Variants in SHROOM4 observed in about 807,000 individuals in gnomAD.
SHROOM4 encodes the protein protein Shroom4.
In SHROOM4, 17 loss-of-function variants were observed where a neutral mutation model predicts 80.3. The observed-to-expected ratio is 0.21, with a 90% CI of 0.14 to 0.32. The LOEUF (loss-of-function observed/expected upper bound fraction) is 0.32, where lower values mean the gene tolerates loss of function less well. Among genes scored for constraint, SHROOM4 ranks in the 10% least tolerant of loss-of-function variants. The pLI, the probability that SHROOM4 is intolerant of heterozygous loss-of-function variation, is 1.00. For missense variants in SHROOM4, 993 were observed against 1,140.3 expected (o/e 0.87, Z 1.86); for synonymous variants, 400 against 437.5 (o/e 0.91, Z 1.07).
At chrX:50,620,847 G>A (rs146532501) in intron 5 of SHROOM4, among the ~76,000 whole-genome samples, 2,694 of 110,888 alleles carry the variant, frequency 0.024, 81 homozygotes, top group African/African-American at 0.084. Flanking sequence ...GCCCACTTAC[G>A]AAGCTAAATC....
intron 1 of SHROOM4, among the ~76,000 whole-genome samples, chrX:50,793,313 G>A (rs1935890206): frequency 9.1e-6 from 1 of 109,577 alleles, no homozygotes; most frequent in Non-Finnish European, 1.9e-5. Context: ...CTATTCAAGG[G>A]GTATAAAGTT....
intron 2 of SHROOM4, among the ~76,000 whole-genome samples, chrX:50,669,637 C>T: frequency 8.9e-6 from 1 of 111,894 alleles, no homozygotes; most frequent in Non-Finnish European, 1.9e-5. Flanking sequence ...CCTCTCAAAC[C>T]CTGCCACTAT....
At chrX:50,615,055 C>CCT (rs1930168172) in intron 5 of SHROOM4, among the ~76,000 whole-genome samples, 1 of 110,571 alleles carries the variant, frequency 9.0e-6, no homozygotes, top group African/African-American at 3.3e-5. Flanking sequence ...AGTAATGTCT[C>CCT]TTGTAAAGAG....
chrX:50,752,825 G>A (rs1448346650), intron 1 of SHROOM4, among the ~76,000 whole-genome samples: 1 of 111,848 alleles, frequency 8.9e-6, no homozygotes, highest in Non-Finnish European at 1.9e-5. Context: ...GACATGAAAT[G>A]GGGAGAATCT....
intron 5 of SHROOM4, among the ~76,000 whole-genome samples, chrX:50,611,293 C>T (rs952673985): frequency 4.6e-5 from 5 of 109,396 alleles, no homozygotes; most frequent in African/African-American, 1.0e-4. Context: ...GGACTACAGG[C>T]GCCCGCTACC....
intron 1 of SHROOM4, among the ~76,000 whole-genome samples, chrX:50,763,021 T>C (rs1204555417): frequency 9.0e-6 from 1 of 111,692 alleles, no homozygotes; most frequent in Non-Finnish European, 1.9e-5. Context: ...GCAGTACTTT[T>C]ATCATGTGTA....
intron 1 of SHROOM4, among the ~76,000 whole-genome samples, chrX:50,729,757 C>G (rs1433898141): frequency 2.7e-5 from 3 of 110,916 alleles, no homozygotes; most frequent in Admixed American, 9.6e-5. Flanking sequence ...CACTACTAAT[C>G]ATATCTAAAG....
intron 1 of SHROOM4, among the ~76,000 whole-genome samples, chrX:50,792,930 C>T (rs1480441918): frequency 9.8e-6 from 1 of 101,542 alleles, no homozygotes; most frequent in Non-Finnish European, 2.0e-5. Flanking sequence ...GAACTACATA[C>T]TAGATCCAGC....
At chrX:50,578,789 C>A in the SHROOM4 span, among the ~76,000 whole-genome samples, 2 of 111,670 alleles carry the variant, frequency 1.8e-5, no homozygotes, top group Non-Finnish European at 3.8e-5. Flanking sequence ...CTGTGGCATG[C>A]ACTATCTCAG....
intron 1 of SHROOM4, among the ~76,000 whole-genome samples, chrX:50,721,418 C>T (rs1023172357): frequency 2.7e-5 from 3 of 112,318 alleles, no homozygotes; most frequent in Non-Finnish European, 3.8e-5. Flanking sequence ...CATGCCTCCC[C>T]TTTTTAGACC....
chrX:50,725,368 C>T (rs1421340636), intron 1 of SHROOM4, among the ~76,000 whole-genome samples: 2 of 112,059 alleles, frequency 1.8e-5, no homozygotes, highest in Non-Finnish European at 3.8e-5. Context: ...ACTAAGGCCC[C>T]AATCACCTCA....
chrX:50,607,293 G>C (rs1164985389), intron 6 of SHROOM4, 88 bp downstream of exon 6: 1 of 1,051,089 alleles, frequency 9.5e-7, no homozygotes, highest in South Asian at 2.0e-5. Context: ...GCCAGCCTGA[G>C]GTCATCCAGT....
downstream of SHROOM4, among the ~76,000 whole-genome samples, chrX:50,582,518 T>C (rs1928685069): frequency 1.8e-5 from 2 of 111,999 alleles, no homozygotes; most frequent in Non-Finnish European, 3.8e-5. Flanking sequence ...CACTTTTGCC[T>C]AGCTAACTCT....
At chrX:50,624,846 G>A (rs1930731464) in intron 5 of SHROOM4, among the ~76,000 whole-genome samples, 1 of 110,478 alleles carries the variant, frequency 9.1e-6, no homozygotes, top group South Asian at 3.8e-4. Context: ...CCCTCAAAAG[G>A]TGTCACATAT....
chrX:50,702,425 A>C (rs1156450111), intron 1 of SHROOM4, among the ~76,000 whole-genome samples: 2 of 111,861 alleles, frequency 1.8e-5, no homozygotes, highest in Non-Finnish European at 3.8e-5. Context: ...AGTAGGAACA[A>C]CCCAAATGTC....
intron 3 of SHROOM4, among the ~76,000 whole-genome samples, chrX:50,636,392 C>T (rs1170019309): frequency 9.0e-6 from 1 of 111,215 alleles, no homozygotes; most frequent in Non-Finnish European, 1.9e-5. Flanking sequence ...AGGTGTTCCC[C>T]TATTCTTTTC....
chrX:50,621,759 A>G (rs1037260037), intron 5 of SHROOM4, among the ~76,000 whole-genome samples: 11 of 111,949 alleles, frequency 9.8e-5, no homozygotes, highest in Admixed American at 3.8e-4. Flanking sequence ...AGGCTTCCTG[A>G]AAAGTGTACT....
At position 50,620,273 on chromosome X, in the gene SHROOM4, T is replaced by C. The variant is rs1253475455; in HGVS notation, c.2957+7341A>G. On this transcript the variant is annotated intron_variant, in intron 5 of 8. Coordinates refer to ENST00000376020, the MANE Select transcript of SHROOM4 (RefSeq NM_020717.5). The stretch of plus-strand genomic sequence containing the variant: ...TGTGTATGGCTACTATCAGATTAGA[T>C]TCAACATGTGGTTTCATATTTATTA... Among the ~76,000 whole-genome samples the C allele has an allele frequency of 6.2e-5, 7 of 112,116 alleles. No homozygotes were observed. The South Asian group carries it at 1.1e-3, about 18-fold the overall frequency.
intron 2 of SHROOM4, among the ~76,000 whole-genome samples, chrX:50,673,744 T>C (rs782746878): frequency 1.8e-5 from 2 of 110,192 alleles, no homozygotes; most frequent in South Asian, 3.8e-4. Flanking sequence ...ATGGCTATAT[T>C]AATAGCAGAT....
Sources: gnomAD v4.1 joint callset for allele counts (sites outside exome capture counted in the v4.1 genomes callset) on GRCh38, gnomAD v4.1.1 for gene constraint, MANE v1.5 for transcripts, NCBI Gene and HGNC (gene_info 2026-07-23, HGNC 2026-07-21) for gene names.